The following CATSPERG variants were observed in gnomAD, a reference collection of about 807,000 sequenced individuals.
CATSPERG encodes the protein catsper channel auxiliary subunit gamma.
A neutral mutation model predicts 145.0 loss-of-function variants in CATSPERG; 115 were observed. The observed-to-expected ratio is 0.79, with a 90% confidence interval of 0.68 to 0.93. The LOEUF (loss-of-function observed/expected upper bound fraction) is 0.93. CATSPERG is among the 40% of genes least tolerant of loss of function. The pLI is 0.00. For synonymous variants in CATSPERG, 588 were observed against 589.0 expected (o/e 1.00, Z 0.02); for missense variants, 1,296 against 1,490.1 (o/e 0.87, Z 2.14).
intron 11 of CATSPERG, among the ~76,000 whole-genome samples, chr19:38,357,279 G>T (rs1416779482): frequency 1.3e-5 from 2 of 151,488 alleles, no homozygotes; most frequent in Non-Finnish European, 2.9e-5. Flanking sequence ...GGAGGCCAAG[G>T]CCAGAGGATC....
chr19:38,368,215 G>A (rs1237007856), intron 26 of CATSPERG, 78 bp downstream of exon 26: 6 of 1,243,510 alleles, frequency 4.8e-6, no homozygotes, highest in Admixed American at 1.8e-5. Context: ...CTGCCCCTAG[G>A]AGGCCTCTTG....
intron 23 of CATSPERG, 53 bp downstream of exon 23, chr19:38,367,365 A>C: frequency 1.9e-6 from 3 of 1,583,774 alleles, no homozygotes; most frequent in Non-Finnish European, 2.6e-6. Flanking sequence ...TGCCCCCACT[A>C]CTTTGTGCTC....
chr19:38,350,354 G>A (rs1970118069), intron 7 of CATSPERG, among the ~76,000 whole-genome samples: 1 of 152,090 alleles, frequency 6.6e-6, no homozygotes, highest in Admixed American at 6.6e-5. Flanking sequence ...CTCATCTCTT[G>A]GACCACATTC....
chr19:38,348,268 C>T (rs976659582), intron 7 of CATSPERG, among the ~76,000 whole-genome samples: 1 of 152,020 alleles, frequency 6.6e-6, no homozygotes, highest in African/African-American at 2.4e-5. Context: ...AAACGATCCT[C>T]CTGCCTCAGC....
chr19:38,360,550 A>T lies in CATSPERG; in HGVS notation c.1670A>T (p.Gln557Leu). The change falls in exon 15 of 29, where the codon CAG (glutamine) becomes CTG (leucine). Residue 557 changes from glutamine to leucine, a missense_variant. Coordinates refer to ENST00000409235, the MANE Select transcript of CATSPERG (RefSeq NM_021185.5). Reference sequence around the variant, plus strand: ...CAGCTGTTCCCTTCCAAGGGCTGGCAGGTGCACATCAGCTTAAAGCTGATG... The same window carrying T: ...CAGCTGTTCCCTTCCAAGGGCTGGCTGGTGCACATCAGCTTAAAGCTGATG... The part of the protein sequence containing the change: ...VYQLFPSKGW[Q>L]VHISLKLMQQ... The T allele has an allele frequency of 6.2e-7, 1 of 1,614,186 alleles. No individual in the cohort carries two copies.
intron 9 of CATSPERG, among the ~76,000 whole-genome samples, chr19:38,355,230 A>G (rs1273771922): frequency 6.6e-5 from 10 of 152,026 alleles, no homozygotes; most frequent in Admixed American, 2.0e-4. Context: ...CTGTAATCCC[A>G]GCTATTCAGG....
chr19:38,361,474 G>A (rs1183185144), intron 16 of CATSPERG, among the ~76,000 whole-genome samples, 174 bp from the exon 17 acceptor site: 1 of 152,096 alleles, frequency 6.6e-6, no homozygotes, highest in Non-Finnish European at 1.5e-5. Context: ...TCAAGGGAGG[G>A]ACGTCCGAGG....
chr19:38,354,824 A>G lies in CATSPERG; in HGVS notation c.1112A>G (p.Tyr371Cys), dbSNP rs1184079179. 6.2e-7 allele frequency: 1 copy of G among 1,614,118 alleles called. No homozygotes were observed. Among genetic ancestry groups the G allele is most frequent in the African/African-American group, 1.3e-5 (1 of 75,042 alleles). ...MALTTGKHEG[Y>C]VHFGTIRDGQ... The stretch of plus-strand genomic sequence containing the variant: ...CTCACCACGGGCAAGCATGAGGGTT[A>G]TGTACACTTCGGGACCATCAGAGGT... The change falls in exon 9 of 29, where the codon TAT becomes TGT. Residue 371 changes from tyrosine (Y) to cysteine (C), a missense_variant. Tyr to Cys is a radical substitution (Grantham distance 194, BLOSUM62 -2). Transcript: ENST00000409235.
At chr19:38,362,098 G>T (rs1970357421) in intron 17 of CATSPERG, 112 bp from the exon 18 acceptor site, 2 of 1,236,618 alleles carry the variant, frequency 1.6e-6, no homozygotes, top group Non-Finnish European at 2.3e-6. Context: ...TGTATCTTCT[G>T]CTCTGGGTTG....
Position 38,344,101 on chromosome 19 carries a change from C to A in CATSPERG, c.578C>A (p.Thr193Asn). The A allele has an allele frequency of 6.4e-7, 1 of 1,551,582 alleles. No homozygotes were observed. The highest frequency in any genetic ancestry group is 8.7e-7 in the Non-Finnish European group (1 of 1,146,960). ...RVDISSNGLG[T>N]FIPDKRFQMN... is the part of the protein sequence containing the mutation. ...GACATCAGCAGCAATGGCCTGGGGACCTTCATTCCAGATAAAAGGTACCCT... is the reference window on the plus strand; with the variant it reads ...GACATCAGCAGCAATGGCCTGGGGAACTTCATTCCAGATAAAAGGTACCCT... The change falls in exon 5 of 29, where the codon ACC becomes AAC. Residue 193 changes from threonine (T) to asparagine (N), a missense_variant. By Grantham distance (65) the Thr-to-Asn change is moderately conservative. Transcript: ENST00000409235.
In CATSPERG at chr19:38,358,488, A is replaced by G. The variant is rs752525796; in HGVS notation, c.1423A>G (p.Met475Val). The G allele has an allele frequency of 4.3e-5, 70 of 1,614,030 alleles. No homozygotes were observed. The highest frequency in any genetic ancestry group is 5.3e-5 in the African/African-American group (4 of 74,918). The change falls in exon 13 of 29, where the codon ATG becomes GTG. Residue 475 changes from methionine to valine, a missense_variant. By Grantham distance (21) the Met-to-Val change is conservative (BLOSUM62 1). Transcript: ENST00000409235. ...LGTESYTSTA[M>V]APKGIFCNPY... is the part of the protein sequence containing the mutation. ...GACAGAGTCCTACACCAGCACTGCAATGGCCCCCAAGGGCATCTTCTGTAA... is the reference window on the plus strand; with the variant it reads ...GACAGAGTCCTACACCAGCACTGCAGTGGCCCCCAAGGGCATCTTCTGTAA...
At chr19:38,338,198 G>A (rs1218698008) in intron 3 of CATSPERG, among the ~76,000 whole-genome samples, 2 of 151,942 alleles carry the variant, frequency 1.3e-5, no homozygotes, top group Non-Finnish European at 2.9e-5. Context: ...GCCCAGGCTG[G>A]ATTGCAGTGG....
chr19:38,356,395 TG>T, intron 9 of CATSPERG, 88 bp from the exon 10 acceptor site: 1 of 1,124,402 alleles, frequency 8.9e-7, no homozygotes, highest in Non-Finnish European at 1.3e-6. Context: ...GAGGGGCTGG[TG>T]GGCATAAGGA....
In CATSPERG at chr19:38,337,495, C is replaced by T; in HGVS notation, c.261C>T (p.Asp87=). 1 of 1,552,088 alleles carries T rather than the reference C, an allele frequency of 6.4e-7. No homozygotes were observed. Among genetic ancestry groups the T allele is most frequent in the South Asian group, 1.2e-5 (1 of 84,062 alleles). ...LFHMLVDSPI[D]PSEKYLGFPY... ...ACATGCTGGTGGACTCACCCATCGA[C>T]CCGAGCGAGGTGAGGGGACCAGGGT... The change falls in exon 2 of 29, where the codon GAC becomes GAT. Residue 87 remains aspartate, a synonymous_variant. Transcript: ENST00000409235.
In CATSPERG at chr19:38,346,557, G is replaced by T; in HGVS notation, c.777G>T (p.Lys259Asn). 3.9e-6 allele frequency: 6 copies of T among 1,551,688 alleles called. No homozygotes were observed. The highest frequency in any genetic ancestry group is 5.2e-6 in the Non-Finnish European group (6 of 1,146,962). Residue 259 changes from lysine to asparagine, a missense_variant, in exon 7 of 29, where the codon AAG (lysine) becomes AAT (asparagine). By Grantham distance (94) the Lys-to-Asn change is moderately conservative. Coordinates refer to ENST00000409235, the MANE Select transcript of CATSPERG (RefSeq NM_021185.5). ...TCCTGGGAGGCATTCCCAATGAGAA[G>T]TACGTCCTGATGACTGACACCAGCT... ...VLILGGIPNE[K>N]YVLMTDTSFK... is the part of the protein sequence containing the mutation.
At chr19:38,359,319 T>G in intron 13 of CATSPERG, 151 bp from the exon 14 acceptor site, 13 of 470,630 alleles carry the variant, frequency 2.8e-5, no homozygotes, top group East Asian at 4.4e-5. Flanking sequence ...TCTCAAAGGG[T>G]TTGGGGTGGG....
intron 3 of CATSPERG, among the ~76,000 whole-genome samples, chr19:38,339,044 T>C (rs1307460941): frequency 6.6e-6 from 1 of 152,072 alleles, no homozygotes; most frequent in Non-Finnish European, 1.5e-5. Context: ...GGGCCATTGC[T>C]AGTGTATGGA....
At chr19:38,344,826 C>CATAT (rs1970003895) in intron 6 of CATSPERG, among the ~76,000 whole-genome samples, 1 of 137,308 alleles carries the variant, frequency 7.3e-6, no homozygotes, top group Non-Finnish European at 1.5e-5. Context: ...CCTGTACATA[C>CATAT]ATATATATGT....
At chr19:38,347,241 G>C (rs893067729) in intron 7 of CATSPERG, among the ~76,000 whole-genome samples, 1 of 152,232 alleles carries the variant, frequency 6.6e-6, no homozygotes, top group African/African-American at 2.4e-5. Flanking sequence ...AACTGGGCGT[G>C]GTAGTGGGCG....
Sources: gnomAD v4.1 joint callset for allele counts (sites outside exome capture counted in the v4.1 genomes callset) on GRCh38, gnomAD v4.1.1 for gene constraint, MANE v1.5 for transcripts, NCBI Gene and HGNC (gene_info 2026-07-23, HGNC 2026-07-21) for gene names.